The following NIBAN3 variants were observed in gnomAD, a reference collection of about 807,000 sequenced individuals.
NIBAN3 encodes protein Niban 3.
NIBAN3 carries 66 observed loss-of-function variants against 76.4 expected under a neutral mutation model. The ratio of observed to expected loss-of-function variants is 0.86; its 90% CI spans 0.71 to 1.06. The LOEUF is 1.06. Ranked by LOEUF, NIBAN3 falls within the 50% of genes least tolerant of loss-of-function variation. NIBAN3 has a pLI of 0.00. For synonymous variants in NIBAN3, 360 were observed against 355.2 expected, an observed-to-expected ratio of 1.01 and a Z score of -0.15; for missense variants, 808 against 810.7, an observed-to-expected ratio of 1.00 and a Z score of 0.04.
chr19:17,545,016 C>T (rs1312610791), intron 12 of NIBAN3, among the ~76,000 whole-genome samples: 2 of 151,830 alleles, frequency 1.3e-5, no homozygotes, highest in African/African-American at 2.4e-5. Flanking sequence ...TACAAGAATT[C>T]GCCAGATGTG....
intron 5 of NIBAN3, among the ~76,000 whole-genome samples, chr19:17,537,940 C>G (rs2075854736): frequency 6.8e-6 from 1 of 146,364 alleles, no homozygotes; most frequent in Non-Finnish European, 1.5e-5. Context: ...GAGCAAAACT[C>G]CATCACACAC....
downstream of NIBAN3, among the ~76,000 whole-genome samples, chr19:17,554,806 T>TAATAAC (rs937573417): frequency 1.4e-5 from 2 of 141,306 alleles, no homozygotes; most frequent in African/African-American, 5.2e-5. Context: ...AAAATAATAA[T>TAATAAC]AATAATAATA....
At chr19:17,548,925 C>CA (rs762922217) in intron 13 of NIBAN3, among the ~76,000 whole-genome samples, 177 of 148,092 alleles carry the variant, frequency 1.2e-3, no homozygotes, top group Non-Finnish European at 2.3e-3. Context: ...GACTCCATCT[C>CA]AAAAAAAAGT....
At chr19:17,530,287 C>G (rs1199572409) in intron 1 of NIBAN3, among the ~76,000 whole-genome samples, 2 of 151,954 alleles carry the variant, frequency 1.3e-5, no homozygotes, top group Non-Finnish European at 2.9e-5. Context: ...TGCCAGCGCA[C>G]TCCAGCCTGA....
At chr19:17,536,646 C>T (rs1034249057) in intron 4 of NIBAN3, among the ~76,000 whole-genome samples, 1 of 152,172 alleles carries the variant, frequency 6.6e-6, no homozygotes, top group Non-Finnish European at 1.5e-5. Context: ...CCCAAGGGAT[C>T]CTCCCACTTC....
intron 4 of NIBAN3, among the ~76,000 whole-genome samples, chr19:17,534,669 T>A (rs959999076): frequency 4.6e-5 from 7 of 151,604 alleles, no homozygotes; most frequent in Admixed American, 4.6e-4. Flanking sequence ...CGGGCACCTG[T>A]AGTCCCAACT....
chr19:17,524,455 T>C (rs2075586314), upstream of NIBAN3, among the ~76,000 whole-genome samples: 5 of 150,788 alleles, frequency 3.3e-5, no homozygotes, highest in South Asian at 1.0e-3. Context: ...CCGCTATTTT[T>C]TGTATTTTTA....
chr19:17,527,205 G>A, upstream of NIBAN3: 16 of 1,545,766 alleles, frequency 1.0e-5, no homozygotes, highest in East Asian at 2.4e-5. Flanking sequence ...CAGGTGCAGC[G>A]TGGGGTGGGG....
In NIBAN3 at chr19:17,530,878, G is replaced by A. The variant is rs758704077; in HGVS notation, c.179G>A (p.Arg60His). Reference protein sequence around the residue: ...PQEPTGSQLLRSKKLPRVREH... With the variant: ...PQEPTGSQLLHSKKLPRVREH... ...GAGCCGACCGGAAGCCAGTTGCTAC[G>A]CAGCAAAGTGGGTGTTGTGGGGGCA... The change falls in exon 2 of 15, where the codon CGC becomes CAC. Residue 60 changes from arginine (R) to histidine (H), a missense_variant. By Grantham distance (29) the Arg-to-His change is conservative (BLOSUM62 0). Transcript: ENST00000599164. The A allele has an allele frequency of 4.3e-6, 7 of 1,612,878 alleles. No individual in the cohort carries two copies. Among genetic ancestry groups the A allele is most frequent in the Non-Finnish European group, 5.9e-6 (7 of 1,179,732 alleles).
At chr19:17,530,036 G>A (rs891503583) in intron 1 of NIBAN3, among the ~76,000 whole-genome samples, 3 of 150,994 alleles carry the variant, frequency 2.0e-5, no homozygotes, top group Non-Finnish European at 4.4e-5. Context: ...ACTCCAGCCT[G>A]GGGGACAGAC....
rs544827503 is a variant in NIBAN3, at chr19:17,543,536, G to T, written c.1459G>T (p.Asp487Tyr). Residue 487 changes from aspartate (D) to tyrosine (Y), a missense_variant, in exon 12 of 15, where the codon GAC becomes TAC. By Grantham distance (160) the Asp-to-Tyr change is radical (BLOSUM62 -3). Transcript: ENST00000599164. ...GTGTGTTGTGCAGAAATTCAAATCG[G>T]ACAGCGGGTTGGCGCAGAGGAGGTT... ...RGRVLKKFKS[D>Y]SGLAQRRFIR... is the part of the protein sequence containing the mutation. The T allele has an allele frequency of 6.2e-7, 1 of 1,614,182 alleles. No individual in the cohort carries two copies. The highest frequency in any genetic ancestry group is 8.5e-7 in the Non-Finnish European group (1 of 1,180,042).
chr19:17,523,425 A>G (rs757961933), upstream of NIBAN3: 218 of 1,560,226 alleles, frequency 1.4e-4, no homozygotes, highest in Non-Finnish European at 1.8e-4. Flanking sequence ...CAGATGTGAG[A>G]GTGAGGAAGT....
intron 8 of NIBAN3, 35 bp downstream of exon 8, chr19:17,539,800 G>T (rs1449155065): frequency 6.9e-7 from 1 of 1,452,906 alleles, no homozygotes; most frequent in Non-Finnish European, 9.2e-7. Context: ...GCTGGGAGGG[G>T]CGAGGCGATG....
chr19:17,553,837 T>A, downstream of NIBAN3: 1 of 296,994 alleles, frequency 3.4e-6, no homozygotes. Context: ...AGACCTTTCC[T>A]CATCAAGTCC....
At chr19:17,531,216 A>G (rs2075715704) in intron 2 of NIBAN3, among the ~76,000 whole-genome samples, 1 of 151,930 alleles carries the variant, frequency 6.6e-6, no homozygotes, top group African/African-American at 2.4e-5. Context: ...AGTCCCAGCT[A>G]CTTGGGAGGC....
chr19:17,537,453 C>T lies in NIBAN3; in HGVS notation c.505C>T (p.Arg169Cys), dbSNP rs777044790. The T allele has an allele frequency of 2.0e-5, 33 of 1,613,812 alleles. No individual in the cohort carries two copies. The highest frequency in any genetic ancestry group is 2.7e-5 in the African/African-American group (2 of 74,902). The change falls in exon 5 of 15, where the codon CGC becomes TGC. Residue 169 changes from arginine to cysteine, a missense_variant. Arg to Cys is a radical substitution (Grantham distance 180). Transcript: ENST00000599164. Reference protein sequence around the residue: ...SFPLFLQHPFRRHLCFSAATR... With the variant: ...SFPLFLQHPFCRHLCFSAATR... The stretch of plus-strand genomic sequence containing the variant: ...CCCGCTGTTCCTGCAGCACCCCTTC[C>T]GCCGGCACCTCTGCTTCTCTGCAGC...
rs1161715168 is a variant in NIBAN3, at chr19:17,532,245, T to G, written c.187-18T>G. 1 of 1,597,482 alleles carries G rather than the reference T, an allele frequency of 6.3e-7. No homozygotes were observed. Among genetic ancestry groups the G allele is most frequent in the South Asian group, 1.1e-5 (1 of 88,300 alleles). ...CAGCCCACAGCCCCCTGACACCCAC[T>G]GCTCCCTCTTTCTGCAGAAGCTGCC... On this transcript the variant is annotated intron_variant, in intron 2 of 14. Coordinates refer to ENST00000599164, the MANE Select transcript of NIBAN3 (RefSeq NM_001321827.2).
At chr19:17,540,267 A>T in intron 8 of NIBAN3, 125 bp from the exon 9 acceptor site, 2 of 641,094 alleles carry the variant, frequency 3.1e-6, no homozygotes, top group Non-Finnish European at 4.7e-6. Flanking sequence ...TTTTCTCATC[A>T]TTACAATGGG....
rs1003155390 is a variant in NIBAN3, at chr19:17,545,985, G to A, written c.1555-701G>A. ...TTTTTCCTTGACACTTTTCGCTACC[G>A]CTAGACCACGGTCTGCCTGGCAACA... On this transcript the variant is annotated intron_variant, in intron 12 of 14. Transcript: ENST00000599164. 1.4e-4 allele frequency: 60 copies of A among 439,652 alleles called. 1 individual carries two copies. The highest frequency in any genetic ancestry group is 8.7e-4 in the South Asian group (54 of 62,420). The allele number at this position is 439,652 out of a possible 1,614,324, so 27.2% of individuals were successfully genotyped here.
Sources: allele counts gnomAD v4.1 joint callset (sites outside exome capture counted in the v4.1 genomes callset), GRCh38; gene constraint gnomAD v4.1.1; transcripts MANE v1.5; gene names NCBI Gene and HGNC (gene_info 2026-07-23, HGNC 2026-07-21).